The following ZNF420 variants were observed in gnomAD, a reference collection of about 807,000 sequenced individuals.
ZNF420 encodes zinc finger protein 420.
ZNF420 carries 31 observed loss-of-function variants against 44.7 expected under a neutral mutation model. That is an observed-to-expected ratio of 0.69 (90% confidence interval 0.52 to 0.94). The LOEUF is 0.94. Among genes scored for constraint, ZNF420 ranks in the 40% least tolerant of loss-of-function variants. The pLI is 0.00. For synonymous variants in ZNF420, 245 were observed against 267.4 expected (o/e 0.92, Z 0.82); for missense variants, 681 against 827.9 (o/e 0.82, Z 2.18).
chr19:37,075,664 C>T (rs1208997413), upstream of ZNF420, among the ~76,000 whole-genome samples: 3 of 152,084 alleles, frequency 2.0e-5, no homozygotes, highest in African/African-American at 7.2e-5. Flanking sequence ...ATCACTTGAA[C>T]CCGGGAAGCG....
At chr19:37,066,073 G>C (rs1246705275) in intron 1 of ZNF420, among the ~76,000 whole-genome samples, 1 of 152,134 alleles carries the variant, frequency 6.6e-6, no homozygotes, top group Non-Finnish European at 1.5e-5. Flanking sequence ...AACTGCAAAA[G>C]AAAAAGAATT....
chr19:37,091,350 G>A (rs1202985140), intron 4 of ZNF420: 1 of 301,304 alleles, frequency 3.3e-6, no homozygotes. Flanking sequence ...ATGAACAAAG[G>A]GCTAGATTTG....
intron 2 of ZNF420, among the ~76,000 whole-genome samples, chr19:37,084,756 TTTTTG>T (rs1425729512): frequency 2.6e-5 from 4 of 152,162 alleles, no homozygotes; most frequent in African/African-American, 7.2e-5. Flanking sequence ...ATTTTGGCAA[TTTTTG>T]TTTTAAGGAA....
chr19:37,055,423 A>C (rs963429011), intron 1 of ZNF420, among the ~76,000 whole-genome samples: 1 of 152,156 alleles, frequency 6.6e-6, no homozygotes, highest in Admixed American at 6.5e-5. Context: ...AGTCGGCTCA[A>C]AAAGGCCCTG....
intron 1 of ZNF420, among the ~76,000 whole-genome samples, chr19:37,029,338 C>T (rs1001298960): frequency 6.6e-6 from 1 of 152,112 alleles, no homozygotes; most frequent in African/African-American, 2.4e-5. Context: ...AATGCAAAGT[C>T]CTAATCAAAG....
intron 1 of ZNF420, among the ~76,000 whole-genome samples, chr19:37,063,426 A>G (rs1967911754): frequency 6.6e-6 from 1 of 152,144 alleles, no homozygotes; most frequent in African/African-American, 2.4e-5. Context: ...TAGACAGATA[A>G]ACTCAAGTCG....
intron 1 of ZNF420, among the ~76,000 whole-genome samples, chr19:37,036,040 T>C (rs76781063): frequency 0.33 from 49,433 of 151,990 alleles, 8,279 homozygotes; most frequent in Non-Finnish European, 0.35. Context: ...ATTTCTTCCC[T>C]TCTGGTAAGA....
chr19:37,130,120 G>C lies in ZNF420; in HGVS notation c.*1062G>C, dbSNP rs73620836. On this transcript the variant is annotated 3_prime_UTR_variant, in exon 5 of 5. Transcript: ENST00000337995. The stretch of plus-strand genomic sequence containing the variant: ...ATCCATTTTTCCTGTCTTTTTTTCC[G>C]TGCCTACAATGTGGACATCTAAGCT... 9,249 of 1,549,316 alleles carry C rather than the reference G, an allele frequency of 6.0e-3. 283 individuals carry two copies. In the Admixed American group the frequency reaches 0.06, roughly 10 times the overall value.
intron 2 of ZNF420, among the ~76,000 whole-genome samples, chr19:37,083,347 T>C (rs1968578304): frequency 6.6e-6 from 1 of 152,190 alleles, no homozygotes; most frequent in Non-Finnish European, 1.5e-5. Flanking sequence ...CTTCTGCATT[T>C]ATTAGCTGGA....
chr19:37,079,793 G>A (rs1968333181), intron 1 of ZNF420, among the ~76,000 whole-genome samples: 1 of 152,066 alleles, frequency 6.6e-6, no homozygotes, highest in Admixed American at 6.5e-5. Context: ...GCAGAGGCGG[G>A]TGGATTACCT....
chr19:37,015,337 G>T (rs1455225511), intron 1 of ZNF420, among the ~76,000 whole-genome samples: 1 of 152,090 alleles, frequency 6.6e-6, no homozygotes, highest in Non-Finnish European at 1.5e-5. Flanking sequence ...ACCCACAGGG[G>T]TCCAAATCAT....
At chr19:37,025,388 T>G (rs1967137626) in intron 1 of ZNF420, 1 of 164,766 alleles carries the variant, frequency 6.1e-6, no homozygotes, top group Non-Finnish European at 1.3e-5. Context: ...TTAAGTAAGA[T>G]TGATGTTTTC....
intron 1 of ZNF420, among the ~76,000 whole-genome samples, chr19:37,030,827 G>A (rs1284839182): frequency 6.6e-6 from 1 of 152,168 alleles, no homozygotes; most frequent in Non-Finnish European, 1.5e-5. Context: ...GACACAGTAT[G>A]AGTGGCTGCA....
In ZNF420 at chr19:37,127,725, AT is replaced by A; in HGVS notation, c.735del (p.His245GlnfsTer106). On this transcript the variant is annotated frameshift_variant, in exon 5 of 5. Transcript: ENST00000337995. LOFTEE classifies it low-confidence loss of function (END_TRUNC). ...CAACTTACCCGACATCAAAAAGTTC[AT>A]ACTGGTGAGAAACCTTATGAATGTA... ...SSQLTRHQKV[H>X]TGEKPYECKE... 1 of 1,614,064 alleles carries A rather than the reference AT, an allele frequency of 6.2e-7. No individual in the cohort carries two copies. The highest frequency in any genetic ancestry group is 8.5e-7 in the Non-Finnish European group (1 of 1,179,962).
chr19:37,009,890 A>C (rs2146365208), intron 1 of ZNF420, among the ~76,000 whole-genome samples: 1 of 152,190 alleles, frequency 6.6e-6, no homozygotes, highest in Non-Finnish European at 1.5e-5. Flanking sequence ...GGCCCTGAGG[A>C]CAGGACTCCT....
At chr19:37,110,314 G>A (rs1970320494) in intron 4 of ZNF420, among the ~76,000 whole-genome samples, 1 of 152,200 alleles carries the variant, frequency 6.6e-6, no homozygotes, top group South Asian at 2.1e-4. Context: ...GTGGGCAGGT[G>A]TAGGACTTGA....
At chr19:37,041,328 T>A (rs1201183651) in intron 1 of ZNF420, among the ~76,000 whole-genome samples, 1 of 134,524 alleles carries the variant, frequency 7.4e-6, no homozygotes, top group Non-Finnish European at 1.6e-5. Context: ...AAAAAAAAAA[T>A]CCCAACAACA....
At position 37,127,269 on chromosome 19, in the gene ZNF420, A is replaced by G; in HGVS notation, c.278A>G (p.Lys93Arg). ...ESNSRDYLEA[K>R]GKMEKQQENQ... ...AATTCCAGGGATTATTTGGAAGCCA[A>G]AGGCAAGATGGAGAAGCAACAAGAA... The change falls in exon 5 of 5, where the codon AAA (lysine) becomes AGA (arginine). Residue 93 changes from lysine (K) to arginine (R), a missense_variant. Lys to Arg is a conservative substitution (Grantham distance 26). This residue lies in a region of ZNF420 where 350 missense variants were observed against 382.5 expected (regional missense o/e 0.92). Transcript: ENST00000337995. 1 of 1,613,702 alleles carries G rather than the reference A, an allele frequency of 6.2e-7. No homozygotes were observed. Among genetic ancestry groups the G allele is most frequent in the East Asian group, 2.2e-5 (1 of 44,862 alleles).
intron 2 of ZNF420, among the ~76,000 whole-genome samples, chr19:37,087,290 A>AAAAT (rs367703367): frequency 2.6e-4 from 22 of 83,456 alleles, no homozygotes; most frequent in South Asian, 1.6e-3. Context: ...CTCAAAAAAA[A>AAAAT]AAATAAATAA....
Sources: gnomAD v4.1 joint callset for allele counts (sites outside exome capture counted in the v4.1 genomes callset) on GRCh38, gnomAD v4.1.1 for gene constraint, gnomAD v4.1.1 regional missense constraint, MANE v1.5 for transcripts, NCBI Gene and HGNC (gene_info 2026-07-23, HGNC 2026-07-21) for gene names.